The following PLEK variants were observed in gnomAD, a reference collection of about 807,000 sequenced individuals.
The protein encoded by PLEK is platelet 47 kDa protein.
PLEK carries 25 observed loss-of-function variants against 43.9 expected under a neutral mutation model. The observed-to-expected ratio is 0.57, with a 90% confidence interval of 0.41 to 0.79. PLEK has a LOEUF of 0.79. Among genes scored for constraint, PLEK ranks in the 30% least tolerant of loss-of-function variants. The pLI is 0.00. For synonymous variants in PLEK, 152 were observed against 144.4 expected (o/e 1.05, Z -0.38); for missense variants, 396 against 413.3 (o/e 0.96, Z 0.36).
At chr2:68,386,840 C>G (rs1194946920) in intron 5 of PLEK, among the ~76,000 whole-genome samples, 154 bp downstream of exon 5, 2 of 152,126 alleles carry the variant, frequency 1.3e-5, no homozygotes, top group Non-Finnish European at 2.9e-5. Flanking sequence ...AGCTCCCAGG[C>G]CCATTTAGAG....
At chr2:68,386,351 A>G in intron 4 of PLEK, 151 bp from the exon 5 acceptor site, 1 of 574,388 alleles carries the variant, frequency 1.7e-6, no homozygotes. Flanking sequence ...GTGGGTATCT[A>G]TCCCACTTAT....
chr2:68,376,754 T>C (rs1253475221), intron 1 of PLEK, among the ~76,000 whole-genome samples: 7 of 152,216 alleles, frequency 4.6e-5, no homozygotes, highest in Non-Finnish European at 8.8e-5. Flanking sequence ...TAAGCATTTA[T>C]CCTTTGTGTT....
At chr2:68,389,727 A>G (rs1558500956) in intron 6 of PLEK, among the ~76,000 whole-genome samples, 2 of 152,094 alleles carry the variant, frequency 1.3e-5, no homozygotes, top group African/African-American at 2.4e-5. Flanking sequence ...TGACAGGGTG[A>G]CCAGCTGGCT....
At chr2:68,387,218 C>A (rs1156291079) in intron 5 of PLEK, among the ~76,000 whole-genome samples, 1 of 152,164 alleles carries the variant, frequency 6.6e-6, no homozygotes, top group East Asian at 1.9e-4. Context: ...GTTGGCCAGG[C>A]TGGTCTCGAA....
At chr2:68,371,977 A>G (rs776673764) in intron 1 of PLEK, among the ~76,000 whole-genome samples, 1 of 152,102 alleles carries the variant, frequency 6.6e-6, no homozygotes. Flanking sequence ...GTTTTATTGG[A>G]CCCAGCTTTT....
At chr2:68,380,208 A>G in intron 1 of PLEK, 120 bp from the exon 2 acceptor site, 1 of 744,792 alleles carries the variant, frequency 1.3e-6, no homozygotes, top group Non-Finnish European at 2.2e-6. Flanking sequence ...AGGAACAGAG[A>G]TGATGTCACC....
chr2:68,394,258 A>C (rs1192771278), intron 8 of PLEK, 82 bp downstream of exon 8: 5 of 835,908 alleles, frequency 6.0e-6, no homozygotes, highest in Non-Finnish European at 1.1e-5. Context: ...AACATTAATC[A>C]ATCAATCAAT....
intron 1 of PLEK, among the ~76,000 whole-genome samples, chr2:68,370,540 G>A (rs1181045241): frequency 2.0e-5 from 3 of 152,084 alleles, no homozygotes; most frequent in Non-Finnish European, 2.9e-5. Context: ...GGCTGGAGTG[G>A]AATGGTACAA....
chr2:68,388,441 AAAG>A lies in PLEK; in HGVS notation c.718_720del (p.Glu240del), dbSNP rs1336183164. 1.9e-6 allele frequency: 3 copies of A among 1,611,914 alleles called. No homozygotes were observed. The highest frequency in any genetic ancestry group is 1.3e-5 in the African/African-American group (1 of 74,890). ...TTCCAGTGATGATGATGTGATTCTG[AAAG>A]AAGAATTCAGAGGGGTCATTATCAA... is the stretch of plus-strand genomic sequence containing the variant. On this transcript the variant is annotated inframe_deletion, in exon 6 of 9. Coordinates refer to ENST00000234313, the MANE Select transcript of PLEK (RefSeq NM_002664.3).
chr2:68,384,188 TCCTTC>T (rs1295199608), intron 4 of PLEK, among the ~76,000 whole-genome samples: 1 of 90,032 alleles, frequency 1.1e-5, no homozygotes, highest in Admixed American at 9.8e-5. Context: ...CTTCTCCTTC[TCCTTC>T]TCCTTCTCCT....
chr2:68,393,270 C>G, intron 7 of PLEK, 25 bp downstream of exon 7: 1 of 1,421,570 alleles, frequency 7.0e-7, no homozygotes, highest in Non-Finnish European at 1.0e-6. Flanking sequence ...TTCATAAATC[C>G]ATTCAAATAA....
chr2:68,383,929 C>T (rs1285204414), intron 4 of PLEK, among the ~76,000 whole-genome samples: 1 of 152,114 alleles, frequency 6.6e-6, no homozygotes, highest in Non-Finnish European at 1.5e-5. Flanking sequence ...CAAGGCAGGG[C>T]TGAGATTTGG....
At chr2:68,379,405 A>G (rs369043210) in intron 1 of PLEK, among the ~76,000 whole-genome samples, 1 of 152,208 alleles carries the variant, frequency 6.6e-6, no homozygotes, top group African/African-American at 2.4e-5. Context: ...AATGTTCTAA[A>G]ACCCTGAAAA....
chr2:68,375,449 G>A (rs948058351), intron 1 of PLEK, among the ~76,000 whole-genome samples: 35 of 152,156 alleles, frequency 2.3e-4, no homozygotes, highest in African/African-American at 7.7e-4. Flanking sequence ...AAACAGAAAG[G>A]CATTTTACTG....
intron 6 of PLEK, among the ~76,000 whole-genome samples, chr2:68,389,921 ATTTC>A (rs1047372821): frequency 6.6e-6 from 1 of 152,136 alleles, no homozygotes; most frequent in Non-Finnish European, 1.5e-5. Context: ...TTGGGAGGAA[ATTTC>A]TTTATTTTGT....
At chr2:68,377,364 T>A (rs1269943350) in intron 1 of PLEK, among the ~76,000 whole-genome samples, 1 of 152,204 alleles carries the variant, frequency 6.6e-6, no homozygotes, top group East Asian at 1.9e-4. Context: ...TCATAGTGTT[T>A]GTACTAATTT....
intron 1 of PLEK, among the ~76,000 whole-genome samples, chr2:68,374,008 G>A (rs1357902828): frequency 1.3e-5 from 2 of 152,088 alleles, no homozygotes; most frequent in African/African-American, 4.8e-5. Flanking sequence ...GAGGAAACTA[G>A]TACCATTATT....
At chr2:68,388,538 T>A (rs1323742450) in intron 6 of PLEK, 47 bp downstream of exon 6, 1 of 991,770 alleles carries the variant, frequency 1.0e-6, no homozygotes, top group East Asian at 2.4e-5. Flanking sequence ...CTTTACAAGG[T>A]CCTTTTTGTT....
intron 6 of PLEK, among the ~76,000 whole-genome samples, chr2:68,392,100 T>C (rs1022950373): frequency 6.6e-6 from 1 of 152,142 alleles, no homozygotes; most frequent in Middle Eastern, 3.4e-3. Context: ...GTCGTCACCT[T>C]CTTTCTTCTT....
Sources: allele counts gnomAD v4.1 joint callset (sites outside exome capture counted in the v4.1 genomes callset), GRCh38; gene constraint gnomAD v4.1.1; transcripts MANE v1.5; gene names NCBI Gene and HGNC (gene_info 2026-07-23, HGNC 2026-07-21).